EIF4E: variants seen among roughly 807,000 people sequenced by gnomAD.
The protein encoded by EIF4E is eukaryotic translation initiation factor 4E, also known as eIF-4F 25 kDa subunit.
For synonymous variants in EIF4E, 71 were observed against 88.5 expected (o/e 0.80, Z 1.11); for missense variants, 113 against 265.6 (o/e 0.43, Z 3.99).
intron 1 of EIF4E, among the ~76,000 whole-genome samples, chr4:98,903,635 CA>C (rs1462610644): frequency 1.3e-5 from 2 of 152,116 alleles, no homozygotes; most frequent in Non-Finnish European, 2.9e-5. Flanking sequence ...CAACATATGA[CA>C]TGTACAAGAA....
intron 6 of EIF4E, among the ~76,000 whole-genome samples, chr4:98,883,969 G>A (rs1463188082): frequency 2.0e-5 from 3 of 149,256 alleles, no homozygotes; most frequent in East Asian, 4.1e-4. Flanking sequence ...AGCCCAGGAG[G>A]TTGAGGCTGA....
Position 98,885,014 on chromosome 4 carries a change from T to C in EIF4E, c.447A>G (p.Val149=). 6.2e-7 allele frequency: 1 copy of C among 1,613,626 alleles called. No individual in the cohort carries two copies. The highest frequency in any genetic ancestry group is 2.2e-5 in the East Asian group (1 of 44,812). The change falls in exon 6 of 7, where the codon GTA becomes GTG. Residue 149 remains valine (V), a synonymous_variant. Coordinates refer to ENST00000450253, the MANE Select transcript of EIF4E (RefSeq NM_001968.5). The part of the protein sequence containing the change: ...GESFDDYSDD[V]CGAVVNVRAK... The stretch of plus-strand genomic sequence containing the variant: ...CTCTAACATTAACAACAGCGCCACA[T>C]ACATCATCACTGTAGTCATCAAAAG...
chr4:98,884,215 A>G (rs2110175965), intron 6 of EIF4E, among the ~76,000 whole-genome samples: 1 of 152,314 alleles, frequency 6.6e-6, no homozygotes, highest in African/African-American at 2.4e-5. Context: ...CTATTTGCCA[A>G]TAATCACTGA....
intron 2 of EIF4E, among the ~76,000 whole-genome samples, chr4:98,898,940 A>T (rs1724531557): frequency 6.6e-6 from 1 of 152,068 alleles, no homozygotes; most frequent in Non-Finnish European, 1.5e-5. Flanking sequence ...TGCAACTATT[A>T]AAAAGTTTAA....
At chr4:98,924,172 G>C (rs1406280706) in intron 1 of EIF4E, among the ~76,000 whole-genome samples, 1 of 151,638 alleles carries the variant, frequency 6.6e-6, no homozygotes, top group Non-Finnish European at 1.5e-5. Context: ...CCGCCTCCCA[G>C]GTTCAAGAGC....
rs148912754 is a variant in EIF4E at position 98,896,285 on chromosome 4, T to C, written c.126-4953A>G. On this transcript the variant is annotated intron_variant, in intron 2 of 6. Transcript: ENST00000450253. ...CACTCTGGAGGCCAAGGCAGGAGGA[T>C]TGCTTGAGCCAAAGAGTTCGAGGTT... Among the ~76,000 whole-genome samples, 1,163 of 150,668 alleles carry C rather than the reference T, an allele frequency of 7.7e-3. 10 individuals carry two copies. The highest frequency in any genetic ancestry group is 9.2e-3 in the Non-Finnish European group (625 of 67,948).
intron 1 of EIF4E, among the ~76,000 whole-genome samples, chr4:98,914,359 C>G (rs143655549): frequency 2.0e-5 from 1 of 50,204 alleles, no homozygotes; most frequent in Non-Finnish European, 3.0e-5. Context: ...CAGACTCCGT[C>G]TCAAAAAAAA....
intron 2 of EIF4E, among the ~76,000 whole-genome samples, chr4:98,893,072 T>C (rs1044769610): frequency 3.3e-5 from 5 of 152,224 alleles, no homozygotes; most frequent in African/African-American, 1.2e-4. Context: ...ACAAATTTTT[T>C]GGTTTCCCGG....
intron 1 of EIF4E, among the ~76,000 whole-genome samples, chr4:98,910,203 C>G (rs1314195699): frequency 1.3e-5 from 2 of 151,964 alleles, no homozygotes; most frequent in Non-Finnish European, 2.9e-5. Flanking sequence ...AATAAAGGAT[C>G]AAAACTATGA....
chr4:98,901,545 G>A (rs1321635923), intron 2 of EIF4E, among the ~76,000 whole-genome samples: 3 of 152,110 alleles, frequency 2.0e-5, no homozygotes, highest in Non-Finnish European at 4.4e-5. Context: ...TCCTTCATAG[G>A]CATTCTTCTT....
intron 1 of EIF4E, chr4:98,909,768 C>T (rs1294089337): frequency 7.1e-6 from 5 of 704,012 alleles, no homozygotes; most frequent in African/African-American, 1.8e-5. Context: ...TCTTGTTTTG[C>T]TTCTTTTTCA....
chr4:98,892,905 TCTTAA>T (rs1168601122), intron 2 of EIF4E, among the ~76,000 whole-genome samples: 5 of 151,870 alleles, frequency 3.3e-5, no homozygotes, highest in Non-Finnish European at 7.3e-5. Context: ...TATATACTTC[TCTTAA>T]AATAGTTTTA....
chr4:98,888,147 G>A (rs1723999155), intron 3 of EIF4E, among the ~76,000 whole-genome samples, 195 bp from the exon 4 acceptor site: 1 of 152,062 alleles, frequency 6.6e-6, no homozygotes, highest in East Asian at 1.9e-4. Context: ...TCAGATGACA[G>A]GTATAATTTT....
At chr4:98,908,018 T>A (rs995263620) in intron 1 of EIF4E, among the ~76,000 whole-genome samples, 1 of 152,202 alleles carries the variant, frequency 6.6e-6, no homozygotes, top group South Asian at 2.1e-4. Flanking sequence ...GAGGAAAAAA[T>A]TTTAAGAACA....
intron 2 of EIF4E, among the ~76,000 whole-genome samples, chr4:98,894,753 C>T (rs1357956141): frequency 6.6e-6 from 1 of 152,212 alleles, no homozygotes; most frequent in Admixed American, 6.5e-5. Flanking sequence ...GACTTTCGAT[C>T]TCCTTCAAGA....
intron 1 of EIF4E, chr4:98,928,800 C>T: frequency 2.1e-6 from 3 of 1,459,960 alleles, no homozygotes; most frequent in Non-Finnish European, 2.7e-6. Context: ...GCCCAGAACC[C>T]CAGCTACCCT....
chr4:98,918,256 G>C (rs185300014), intron 1 of EIF4E, among the ~76,000 whole-genome samples: 1 of 151,578 alleles, frequency 6.6e-6, no homozygotes, highest in Non-Finnish European at 1.5e-5. Flanking sequence ...CCAGCTGGTC[G>C]GGAGGCTGAG....
At chr4:98,892,405 G>T (rs1208756006) in intron 2 of EIF4E, among the ~76,000 whole-genome samples, 1 of 150,958 alleles carries the variant, frequency 6.6e-6, no homozygotes, top group Non-Finnish European at 1.5e-5. Flanking sequence ...GGGGCCAGGC[G>T]CGGTGGCTCA....
intron 1 of EIF4E, among the ~76,000 whole-genome samples, chr4:98,921,053 A>C (rs865998032): frequency 3.5e-4 from 54 of 152,306 alleles, no homozygotes; most frequent in African/African-American, 1.2e-3. Context: ...ATTAAAAAAA[A>C]ATTTTATATT....
Sources: allele counts gnomAD v4.1 joint callset (sites outside exome capture counted in the v4.1 genomes callset), GRCh38; gene constraint gnomAD v4.1.1; transcripts MANE v1.5; gene names NCBI Gene and HGNC (gene_info 2026-07-23, HGNC 2026-07-21).